The following GPC5 variants were observed in gnomAD, a reference collection of about 807,000 sequenced individuals.
GPC5 encodes the protein glypican 5.
Under a neutral mutation model 53.9 loss-of-function variants are expected in GPC5, and 47 were observed. The ratio of observed to expected loss-of-function variants is 0.87; its 90% CI spans 0.69 to 1.11. GPC5 has a LOEUF of 1.11. GPC5 is among the 50% of genes most tolerant of loss of function. The pLI is 0.00. For synonymous variants in GPC5, 286 were observed against 263.3 expected (o/e 1.09, Z -0.84); for missense variants, 748 against 713.1 (o/e 1.05, Z -0.56).
chr13:92,017,767 C>T (rs2040719936), intron 6 of GPC5, among the ~76,000 whole-genome samples: 1 of 151,878 alleles, frequency 6.6e-6, no homozygotes, highest in African/African-American at 2.4e-5. Context: ...AATAAACACA[C>T]ACGTGCATGA....
At chr13:92,858,123 G>A (rs1879064373) in intron 7 of GPC5, among the ~76,000 whole-genome samples, 1 of 152,082 alleles carries the variant, frequency 6.6e-6, no homozygotes, top group African/African-American at 2.4e-5. Context: ...ACACTGATAT[G>A]GTTTGGCTGT....
At chr13:91,413,955 C>T (rs532699494) in intron 1 of GPC5, among the ~76,000 whole-genome samples, 1 of 152,294 alleles carries the variant, frequency 6.6e-6, no homozygotes, top group African/African-American at 2.4e-5. Flanking sequence ...CTAATTATGG[C>T]CATATCTTTA....
chr13:92,502,576 C>T (rs904887972), intron 7 of GPC5, among the ~76,000 whole-genome samples: 23 of 152,012 alleles, frequency 1.5e-4, no homozygotes, highest in Non-Finnish European at 2.8e-4. Context: ...GCTGGAGTGG[C>T]TGTGTTAATT....
At chr13:91,435,279 G>C (rs149230397) in intron 1 of GPC5, among the ~76,000 whole-genome samples, 1 of 151,948 alleles carries the variant, frequency 6.6e-6, no homozygotes, top group Non-Finnish European at 1.5e-5. Flanking sequence ...TTCAAAGGGA[G>C]TGCTTCCAGT....
At chr13:91,998,207 G>A (rs1461231048) in intron 6 of GPC5, among the ~76,000 whole-genome samples, 1 of 152,088 alleles carries the variant, frequency 6.6e-6, no homozygotes, top group South Asian at 2.1e-4. Context: ...TCTAGACTCA[G>A]CATTCCATTC....
chr13:91,539,179 T>C (rs1320037144), intron 2 of GPC5, among the ~76,000 whole-genome samples: 1 of 152,236 alleles, frequency 6.6e-6, no homozygotes, highest in Non-Finnish European at 1.5e-5. Flanking sequence ...AATTATGCTT[T>C]GACATAACAT....
At chr13:92,203,842 C>T (rs2042313774) in intron 7 of GPC5, among the ~76,000 whole-genome samples, 1 of 148,990 alleles carries the variant, frequency 6.7e-6, no homozygotes, top group Non-Finnish European at 1.5e-5. Flanking sequence ...TGGTGAATCT[C>T]GGTAAAACTG....
chr13:92,092,049 T>A (rs1338457961), intron 6 of GPC5, among the ~76,000 whole-genome samples: 1 of 152,206 alleles, frequency 6.6e-6, no homozygotes, highest in Non-Finnish European at 1.5e-5. Flanking sequence ...TAAAGGTCAA[T>A]GCTATTGTCT....
intron 5 of GPC5, among the ~76,000 whole-genome samples, chr13:91,886,847 C>T (rs912110689): frequency 1.3e-5 from 2 of 152,172 alleles, no homozygotes; most frequent in African/African-American, 2.4e-5. Flanking sequence ...TTGCAGGGTA[C>T]AGCCTCCCTC....
chr13:92,222,453 C>A (rs1038680180), intron 7 of GPC5, among the ~76,000 whole-genome samples: 1 of 152,076 alleles, frequency 6.6e-6, no homozygotes, highest in Admixed American at 6.6e-5. Context: ...GAAGCAGAGA[C>A]AACAGATGGT....
At chr13:91,529,627 G>A (rs988696722) in intron 2 of GPC5, among the ~76,000 whole-genome samples, 11 of 152,170 alleles carry the variant, frequency 7.2e-5, no homozygotes. Flanking sequence ...AACAATAATA[G>A]CAGCATTGTT....
chr13:92,592,115 A>C (rs1470298579), intron 7 of GPC5, among the ~76,000 whole-genome samples: 1 of 152,242 alleles, frequency 6.6e-6, no homozygotes, highest in African/African-American at 2.4e-5. Flanking sequence ...CCAAGTGTGT[A>C]AAGACCATAT....
At chr13:92,113,410 T>C (rs1455554330) in intron 6 of GPC5, among the ~76,000 whole-genome samples, 1 of 152,168 alleles carries the variant, frequency 6.6e-6, no homozygotes, top group African/African-American at 2.4e-5. Flanking sequence ...TGGATATCTT[T>C]ATAAACAGCA....
At chr13:92,031,961 TATATA>T (rs1404222254) in intron 6 of GPC5, among the ~76,000 whole-genome samples, 1 of 125,262 alleles carries the variant, frequency 8.0e-6, no homozygotes, top group African/African-American at 3.0e-5. Flanking sequence ...TCAGATATAT[TATATA>T]ATATATATTC....
intron 7 of GPC5, among the ~76,000 whole-genome samples, chr13:92,482,127 G>A (rs1232117071): frequency 1.4e-4 from 21 of 149,216 alleles, no homozygotes; most frequent in Admixed American, 1.4e-3. Context: ...GCAAAACTCT[G>A]CCTAAAAAAA....
At chr13:91,592,288 T>C (rs1319814824) in intron 2 of GPC5, among the ~76,000 whole-genome samples, 2 of 152,196 alleles carry the variant, frequency 1.3e-5, no homozygotes, top group African/African-American at 4.8e-5. Context: ...CTAATTCAGC[T>C]GTGTGGCTTC....
chr13:92,156,946 T>C (rs1449008883), intron 7 of GPC5, among the ~76,000 whole-genome samples: 1 of 152,128 alleles, frequency 6.6e-6, no homozygotes, highest in Non-Finnish European at 1.5e-5. Context: ...TAAAATAGAC[T>C]TTATTATAAT....
intron 7 of GPC5, among the ~76,000 whole-genome samples, chr13:92,296,694 G>C (rs920726152): frequency 3.3e-5 from 5 of 152,196 alleles, no homozygotes; most frequent in African/African-American, 1.2e-4. Flanking sequence ...CCGGGGCTGC[G>C]TGCGGCGCTT....
At chr13:92,209,677 T>TA (rs572224973) in intron 7 of GPC5, among the ~76,000 whole-genome samples, 3,253 of 150,094 alleles carry the variant, frequency 0.022, 94 homozygotes, top group African/African-American at 0.073. Flanking sequence ...GCATTAACTG[T>TA]AAAAAAAAAA....
Sources: allele counts gnomAD v4.1 joint callset (sites outside exome capture counted in the v4.1 genomes callset), GRCh38; gene constraint gnomAD v4.1.1; transcripts MANE v1.5; gene names NCBI Gene and HGNC (gene_info 2026-07-23, HGNC 2026-07-21).